Variants in CD99 observed in about 807,000 individuals in gnomAD.
The protein encoded by CD99 is CD99 molecule (Xg blood group), also known as CD99 antigen.
Under a neutral mutation model 28.4 loss-of-function variants are expected in CD99, and 19 were observed. That is an observed-to-expected ratio of 0.67 (90% CI 0.47 to 0.98). The LOEUF is 0.98. Among genes scored for constraint, CD99 ranks in the 50% least tolerant of loss-of-function variants. The pLI, the probability that CD99 is intolerant of heterozygous loss-of-function variation, is 0.00. For missense variants in CD99, 283 were observed against 248.8 expected (o/e 1.14, Z -0.92); for synonymous variants, 103 against 92.1 (o/e 1.12, Z -0.67).
intron 2 of CD99, 52 bp downstream of exon 2, chrX:2,714,506 AGT>A (rs757670665): frequency 7.1e-7 from 1 of 1,409,882 alleles, no homozygotes; most frequent in African/African-American, 1.4e-5. Flanking sequence ...ATGTTAACAT[AGT>A]ATATACAGGC....
intron 1 of CD99, among the ~76,000 whole-genome samples, chrX:2,712,503 C>T (rs1383830961): frequency 4.6e-5 from 7 of 152,040 alleles, no homozygotes; most frequent in African/African-American, 1.7e-4. Context: ...TTTATATGTG[C>T]GTGTGTCTGT....
intron 3 of CD99, 107 bp from the exon 4 acceptor site, chrX:2,719,554 G>A: frequency 1.1e-6 from 1 of 884,452 alleles, no homozygotes; most frequent in Non-Finnish European, 1.9e-6. Context: ...ATTCAGAAAA[G>A]TATTTAGGAA....
intron 1 of CD99, among the ~76,000 whole-genome samples, chrX:2,702,462 ATTAAC>A (rs1457659122): frequency 2.6e-5 from 4 of 152,238 alleles, no homozygotes; most frequent in Non-Finnish European, 5.9e-5. Context: ...AAATACTGTT[ATTAAC>A]TTGTTTTAAC....
intron 1 of CD99, among the ~76,000 whole-genome samples, chrX:2,707,177 A>C (rs2048160365): frequency 6.6e-6 from 1 of 152,074 alleles, no homozygotes; most frequent in Admixed American, 6.6e-5. Flanking sequence ...TAAAAACACA[A>C]GAATTAGCTG....
chrX:2,720,015 G>C (rs2048918477), intron 4 of CD99, among the ~76,000 whole-genome samples: 2 of 152,186 alleles, frequency 1.3e-5, no homozygotes, highest in Non-Finnish European at 2.9e-5. Context: ...TGGCATGTTG[G>C]TTTGGCATGG....
At chrX:2,728,596 TG>T (rs2049419293) in intron 8 of CD99, among the ~76,000 whole-genome samples, 1 of 152,144 alleles carries the variant, frequency 6.6e-6, no homozygotes, top group Non-Finnish European at 1.5e-5. Flanking sequence ...AGAATCACGT[TG>T]GAAAAAAGCA....
intron 1 of CD99, among the ~76,000 whole-genome samples, chrX:2,704,748 C>T (rs890323108): frequency 5.3e-5 from 8 of 151,940 alleles, no homozygotes; most frequent in African/African-American, 1.9e-4. Context: ...GGGTCTCTCT[C>T]TGTTGCCCAG....
At position 2,710,489 on chromosome X, in the gene CD99, T is replaced by C. The variant is rs2048344306; in HGVS notation, c.68-3933T>C. Among the ~76,000 whole-genome samples, 3 of 144,582 alleles carry C rather than the reference T, an allele frequency of 2.1e-5. No individual in the cohort carries two copies. In the South Asian group the frequency reaches 6.8e-4, roughly 33 times the overall value. The allele number at this position is 144,582 out of a possible 152,430, so 94.9% of individuals were successfully genotyped here. A position where few individuals can be genotyped will look rare whatever the true frequency, so the allele number is the denominator to read the frequency against. On this transcript the variant is annotated intron_variant, in intron 1 of 9. Coordinates refer to ENST00000381192, the MANE Select transcript of CD99 (RefSeq NM_002414.5). ...AAGAAGGGTTACACTTAAAATAATA[T>C]CTGTACTTTACTTTCACGTGTGGGG...
At chrX:2,717,089 G>C (rs207478059) in intron 2 of CD99, among the ~76,000 whole-genome samples, 1 of 152,088 alleles carries the variant, frequency 6.6e-6, no homozygotes, top group Admixed American at 6.5e-5. Flanking sequence ...GCTCAAGCCT[G>C]TCATCCCAGC....
At chrX:2,732,486 C>T (rs2049674799) in intron 8 of CD99, among the ~76,000 whole-genome samples, 2 of 151,264 alleles carry the variant, frequency 1.3e-5, no homozygotes. Flanking sequence ...CTTCCCTCCT[C>T]CTTTCTTTCC....
At chrX:2,705,002 A>G (rs34190580) in intron 1 of CD99, among the ~76,000 whole-genome samples, 59,977 of 152,156 alleles carry the variant, frequency 0.39, 12,582 homozygotes, top group Non-Finnish European at 0.48. Context: ...GGCGTGAGCC[A>G]CTGTACCCGG....
chrX:2,723,171 AG>A (rs1319532882), intron 6 of CD99, 142 bp from the exon 7 acceptor site: 3 of 818,324 alleles, frequency 3.7e-6, no homozygotes, highest in Middle Eastern at 2.4e-4. Context: ...AGAGTGTAAT[AG>A]GCAGGACCCC....
In CD99 at chrX:2,731,954, G is replaced by A. The variant is rs1300164866; in HGVS notation, c.475+5581G>A. 6.9e-5 allele frequency among the ~76,000 whole-genome samples: 10 copies of A among 144,786 alleles called. 1 individual carries two copies. The South Asian group carries it at 8.5e-4, about 12-fold the overall frequency. The allele number at this position is 144,786 out of a possible 152,430, so 95.0% of individuals were successfully genotyped here. ...AGTAATAGCAACATAGCAAGACCTC[G>A]TGTCTACAAAAAACGTAAAAAAAAA... On this transcript the variant is annotated intron_variant, in intron 8 of 9. Transcript: ENST00000381192.
chrX:2,691,514 C>T, intron 1 of CD99, 87 bp downstream of exon 1: 1 of 1,413,936 alleles, frequency 7.1e-7, no homozygotes, highest in Non-Finnish European at 9.6e-7. Flanking sequence ...GTTGGGGGCG[C>T]CCCGCGGGGA....
chrX:2,720,320 G>T, intron 4 of CD99, 36 bp from the exon 5 acceptor site: 1 of 1,594,570 alleles, frequency 6.3e-7, no homozygotes, highest in Non-Finnish European at 8.6e-7. Flanking sequence ...TTACTGCAAG[G>T]CACTTAAAAT....
chrX:2,695,587 T>A (rs1177153049), intron 1 of CD99, among the ~76,000 whole-genome samples: 1 of 151,348 alleles, frequency 6.6e-6, no homozygotes, highest in Non-Finnish European at 1.5e-5. Context: ...ACTTTTAAAT[T>A]TTTTTGTAGA....
chrX:2,737,241 G>C lies in CD99; in HGVS notation c.476-959G>C, dbSNP rs181325365. On this transcript the variant is annotated intron_variant, in intron 8 of 9. Transcript: ENST00000381192. ...CACCCACGCTGGAGTGCAGTGCCACGATCTCAGCTCACTGCAACCTCCACC... is the reference window on the plus strand; with the variant it reads ...CACCCACGCTGGAGTGCAGTGCCACCATCTCAGCTCACTGCAACCTCCACC... Among the ~76,000 whole-genome samples, 1,280 of 152,132 alleles carry C rather than the reference G, an allele frequency of 8.4e-3. 15 individuals are homozygous for C. The highest frequency in any genetic ancestry group is 0.029 in the African/African-American group (1,206 of 41,496).
intron 2 of CD99, among the ~76,000 whole-genome samples, chrX:2,716,891 G>A (rs926053888): frequency 2.0e-5 from 3 of 152,178 alleles, no homozygotes; most frequent in African/African-American, 7.2e-5. Context: ...GGCCAAAAGT[G>A]TGTTTCATAT....
chrX:2,703,807 A>G (rs1226637595), intron 1 of CD99, among the ~76,000 whole-genome samples: 2 of 152,096 alleles, frequency 1.3e-5, no homozygotes, highest in African/African-American at 4.8e-5. Context: ...TGAAGTTGGA[A>G]AAAGTGCTGA....
Sources: gnomAD v4.1 joint callset for allele counts (sites outside exome capture counted in the v4.1 genomes callset) on GRCh38, gnomAD v4.1.1 for gene constraint, MANE v1.5 for transcripts, NCBI Gene and HGNC (gene_info 2026-07-23, HGNC 2026-07-21) for gene names.